ACSM2B: variants seen among roughly 807,000 people sequenced by gnomAD.
The protein encoded by ACSM2B is acyl-coenzyme A synthetase ACSM2B, mitochondrial.
A neutral mutation model predicts 78.6 loss-of-function variants in ACSM2B; 58 were observed. The observed-to-expected ratio is 0.74, with a 90% CI of 0.60 to 0.92. The LOEUF is 0.92. Among genes scored for constraint, ACSM2B ranks in the 40% least tolerant of loss-of-function variants. ACSM2B has a pLI of 0.00. For synonymous variants in ACSM2B, 257 were observed against 256.8 expected (o/e 1.00, Z -0.01); for missense variants, 688 against 711.2 (o/e 0.97, Z 0.37).
intron 6 of ACSM2B, among the ~76,000 whole-genome samples, chr16:20,551,573 G>A (rs2015311375): frequency 6.6e-6 from 1 of 152,076 alleles, no homozygotes; most frequent in South Asian, 2.1e-4. Context: ...CCAGAGCTAT[G>A]AGAAGTAAAT....
At chr16:20,570,339 T>C (rs1322139899) in intron 1 of ACSM2B, among the ~76,000 whole-genome samples, 1 of 152,022 alleles carries the variant, frequency 6.6e-6, no homozygotes, top group South Asian at 2.1e-4. Flanking sequence ...TTGTTTTTAA[T>C]TCTGTTTATG....
At chr16:20,574,243 C>T (rs1458662970) in intron 1 of ACSM2B, 1 of 152,066 alleles carries the variant, frequency 6.6e-6, no homozygotes, top group Non-Finnish European at 1.5e-5. Flanking sequence ...CCCGACCCCG[C>T]AGGCAGTCAG....
chr16:20,540,886 C>A, intron 12 of ACSM2B, 113 bp from the exon 13 acceptor site: 2 of 1,438,166 alleles, frequency 1.4e-6, no homozygotes, highest in South Asian at 1.5e-5. Context: ...CTCATTTGCA[C>A]CCCCGGTGAT....
rs964676203 is a variant in ACSM2B, at chr16:20,536,305, T to C, written c.*953A>G. On this transcript the variant is annotated 3_prime_UTR_variant, in exon 14 of 14. Coordinates refer to ENST00000329697, the MANE Select transcript of ACSM2B (RefSeq NM_001105069.2). Reference sequence around the variant, plus strand: ...AATATTTGATTCTAGGAAGAGTAGATAACACCAAAAACATGAGGTATGGGT... The same window carrying C: ...AATATTTGATTCTAGGAAGAGTAGACAACACCAAAAACATGAGGTATGGGT... The C allele has an allele frequency of 4.6e-5, 7 of 152,178 alleles. No homozygotes were observed. The highest frequency in any genetic ancestry group is 8.8e-5 in the Non-Finnish European group (6 of 68,022). The allele number at this position is 152,178 out of a possible 1,614,324, so 9.4% of individuals were successfully genotyped here. A position where few individuals can be genotyped will look rare whatever the true frequency, so the allele number is the denominator to read the frequency against.
intron 12 of ACSM2B, chr16:20,541,818 G>A (rs1416253418): frequency 6.6e-6 from 1 of 152,232 alleles, no homozygotes; most frequent in Non-Finnish European, 1.5e-5. Context: ...GAGTAGCTGG[G>A]ATTACAGATG....
chr16:20,542,873 G>T, intron 12 of ACSM2B, 41 bp downstream of exon 12: 1 of 1,610,360 alleles, frequency 6.2e-7, no homozygotes, highest in Non-Finnish European at 8.5e-7. Context: ...CTGCCCTTGT[G>T]TTCATATCTG....
intron 1 of ACSM2B, among the ~76,000 whole-genome samples, chr16:20,573,403 C>T (rs544870242): frequency 2.0e-5 from 3 of 150,176 alleles, no homozygotes; most frequent in Non-Finnish European, 2.9e-5. Flanking sequence ...CAGAGTTTAC[C>T]TCCTCAGACA....
chr16:20,562,280 G>C (rs1377975740), intron 2 of ACSM2B, among the ~76,000 whole-genome samples: 2 of 151,992 alleles, frequency 1.3e-5, no homozygotes, highest in Non-Finnish European at 2.9e-5. Context: ...TTGTAAAATA[G>C]ACCCTTCGCA....
At position 20,537,218 on chromosome 16, in the gene ACSM2B, GAA is replaced by G; in HGVS notation, c.*38_*39del. 1.2e-6 allele frequency: 2 copies of G among 1,607,408 alleles called. No homozygotes were observed. The highest frequency in any genetic ancestry group is 1.7e-6 in the Non-Finnish European group (2 of 1,174,068). Reference sequence around the variant, plus strand: ...CAAGGGCCCAAAGGGAAAAGAAAGAGAAAGAAGAGGGGAATCCAAATGAATGT... The same window carrying G: ...CAAGGGCCCAAAGGGAAAAGAAAGAGAGAAGAGGGGAATCCAAATGAATGT... On this transcript the variant is annotated 3_prime_UTR_variant, in exon 14 of 14. Transcript: ENST00000329697.
At position 20,537,102 on chromosome 16, in the gene ACSM2B, A is replaced by C; in HGVS notation, c.*156T>G. 1 of 849,714 alleles carries C rather than the reference A, an allele frequency of 1.2e-6. No individual in the cohort carries two copies. Among genetic ancestry groups the C allele is most frequent in the South Asian group, 1.8e-5 (1 of 54,576 alleles). The allele number at this position is 849,714 out of a possible 1,614,324, so 52.6% of individuals were successfully genotyped here. A position where few individuals can be genotyped will look rare whatever the true frequency, so the allele number is the denominator to read the frequency against. On this transcript the variant is annotated 3_prime_UTR_variant, in exon 14 of 14. Transcript: ENST00000329697. ...CCTTCCCTTTCTTATTTCAATATCT[A>C]ACATAGTAATGTTTTGTGCTAATAA...
chr16:20,545,386 A>G (rs1321327388), intron 9 of ACSM2B, 128 bp from the exon 10 acceptor site: 51 of 1,091,650 alleles, frequency 4.7e-5, no homozygotes, highest in Non-Finnish European at 6.3e-5. Flanking sequence ...ACGACAACCA[A>G]AAACCAAGGG....
intron 12 of ACSM2B, 102 bp from the exon 13 acceptor site, chr16:20,540,875 A>C (rs113929373): frequency 1.1e-4 from 160 of 1,465,166 alleles, no homozygotes; most frequent in African/African-American, 4.6e-4. Context: ...CCTTGTATCT[A>C]CTCATTTGCA....
intron 9 of ACSM2B, 75 bp downstream of exon 9, chr16:20,546,319 A>C: frequency 6.5e-7 from 1 of 1,537,118 alleles, no homozygotes; most frequent in Non-Finnish European, 8.8e-7. Context: ...TTGACTCAAT[A>C]AACAATGGAA....
chr16:20,564,418 A>G (rs2015757404), intron 2 of ACSM2B, among the ~76,000 whole-genome samples: 1 of 152,124 alleles, frequency 6.6e-6, no homozygotes, highest in African/African-American at 2.4e-5. Flanking sequence ...GTCTACATAC[A>G]GTGTAAACAA....
At chr16:20,558,021 G>C (rs2015529367) in intron 3 of ACSM2B, among the ~76,000 whole-genome samples, 1 of 152,182 alleles carries the variant, frequency 6.6e-6, no homozygotes, top group Admixed American at 6.5e-5. Context: ...CTTGGAGATT[G>C]AAACTGCCTT....
intron 1 of ACSM2B, among the ~76,000 whole-genome samples, chr16:20,566,691 ATATATAGTATATATATAGTATATATAG>A (rs1567218332): frequency 9.2e-3 from 34 of 3,714 alleles, no homozygotes; most frequent in South Asian, 0.029. Context: ...AGTATATACT[ATATATAGTATATATATAGTATATATAG>A]TATATACTAT....
rs574648610 is a variant in ACSM2B at position 20,555,406 on chromosome 16, C to G, written c.459G>C (p.Lys153Asn). Residue 153 changes from lysine (K) to asparagine (N), a missense_variant, in exon 4 of 14, where the codon AAG (lysine) becomes AAC (asparagine). Lys to Asn is a moderately conservative substitution (Grantham distance 94). Transcript: ENST00000329697. ...TDILYRLQMSKAKAIVAGDEV... is the reference protein window; with the variant it reads ...TDILYRLQMSNAKAIVAGDEV... ...CATCCCCAGCAACAATAGCCTTGGC[C>G]TTAGACATCTGCAACCTATACAGTA... 4 of 1,613,944 alleles carry G rather than the reference C, an allele frequency of 2.5e-6. No homozygotes were observed. The South Asian group carries it at 3.3e-5, about 13-fold the overall frequency.
intron 13 of ACSM2B, 38 bp from the exon 14 acceptor site, chr16:20,537,400 T>C: frequency 6.2e-7 from 1 of 1,608,996 alleles, no homozygotes; most frequent in Non-Finnish European, 8.5e-7. Context: ...GGGTGATCTG[T>C]GATGACAGTG....
At position 20,546,589 on chromosome 16, in the gene ACSM2B, G is replaced by A. The variant is rs138193345; in HGVS notation, c.1099-115C>T. 21 of 1,432,966 alleles carry A rather than the reference G, an allele frequency of 1.5e-5. No homozygotes were observed. In the African/African-American group the frequency reaches 1.9e-4, roughly 13 times the overall value. 88.8% of individuals were successfully genotyped at this position (1,432,966 alleles called of 1,614,324 possible). On this transcript the variant is annotated intron_variant, in intron 8 of 13. Transcript: ENST00000329697. ...ACTGTCCTGAACTTGGCCTGCACTT[G>A]GTGGCTCCCCCTGCTCCTCATTCCC...
Sources: allele counts gnomAD v4.1 joint callset (sites outside exome capture counted in the v4.1 genomes callset), GRCh38; gene constraint gnomAD v4.1.1; transcripts MANE v1.5; gene names NCBI Gene and HGNC (gene_info 2026-07-23, HGNC 2026-07-21).